Variants in PRKN observed in about 807,000 individuals in gnomAD.
PRKN encodes the protein E3 ubiquitin-protein ligase parkin.
In PRKN, 56 loss-of-function variants were observed where a neutral mutation model predicts 59.5. That is an observed-to-expected ratio of 0.94 (90% CI 0.76 to 1.18). PRKN has a LOEUF of 1.18. Ranked by LOEUF, PRKN falls within the 50% of genes most tolerant of loss-of-function variation. The pLI is 0.00. For missense variants in PRKN, 657 were observed against 596.4 expected, an observed-to-expected ratio of 1.10 and a Z score of -1.06; for synonymous variants, 250 against 222.1, an observed-to-expected ratio of 1.13 and a Z score of -1.12.
At chr6:161,676,302 A>G (rs538945225) in intron 7 of PRKN, among the ~76,000 whole-genome samples, 1 of 152,326 alleles carries the variant, frequency 6.6e-6, no homozygotes, top group South Asian at 2.1e-4. Flanking sequence ...TAATTTGCAT[A>G]ATCTGATCTG....
At chr6:162,468,726 G>C (rs1277039743) in intron 1 of PRKN, among the ~76,000 whole-genome samples, 1 of 152,214 alleles carries the variant, frequency 6.6e-6, no homozygotes, top group South Asian at 2.1e-4. Flanking sequence ...CTTGAGGCTA[G>C]AGTAATAAAA....
intron 4 of PRKN, among the ~76,000 whole-genome samples, chr6:162,124,431 T>A (rs1474509329): frequency 1.3e-5 from 2 of 152,154 alleles, no homozygotes; most frequent in Non-Finnish European, 1.5e-5. Flanking sequence ...CTACACTACA[T>A]TAAGTACAAA....
At chr6:161,857,333 C>T (rs1329430124) in intron 6 of PRKN, among the ~76,000 whole-genome samples, 1 of 152,150 alleles carries the variant, frequency 6.6e-6, no homozygotes, top group Admixed American at 6.5e-5. Flanking sequence ...CAGCCACAGA[C>T]AATGCATATG....
At chr6:162,331,660 T>C (rs1302605786) in intron 2 of PRKN, among the ~76,000 whole-genome samples, 1 of 152,182 alleles carries the variant, frequency 6.6e-6, no homozygotes, top group East Asian at 1.9e-4. Flanking sequence ...CACATGTCAG[T>C]AAATAGTTGG....
rs1016190727 is a variant in PRKN at position 162,328,044 on chromosome 6, TG to T, written c.172-65280del. ...CTGCAAGGCCCTCAACGTTCCCACG[TG>T]AAAAAAGAAATTGTTCCTCAAACAG... On this transcript the variant is annotated intron_variant, in intron 2 of 11. Coordinates refer to ENST00000366898, the MANE Select transcript of PRKN (RefSeq NM_004562.3). Among the ~76,000 whole-genome samples, 15 of 137,624 alleles carry T rather than the reference TG, an allele frequency of 1.1e-4. No homozygotes were observed. In the Admixed American group the frequency reaches 1.1e-3, roughly 10 times the overall value. The allele number at this position is 137,624 out of a possible 152,430, so 90.3% of individuals were successfully genotyped here.
At position 161,461,494 on chromosome 6, in the gene PRKN, T is replaced by A. The variant is rs1312509266; in HGVS notation, c.1084-74617A>T. ...GGGAATACACTCAAGGCAGGAAGAG[T>A]GTAGGTTGTTCCAGTAGTTGAGGTA... On this transcript the variant is annotated intron_variant, in intron 9 of 11. Transcript: ENST00000366898. The surrounding 1 kb of genome is among the most constrained non-coding windows in gnomAD (Gnocchi z 5.1). Among the ~76,000 whole-genome samples the A allele has an allele frequency of 6.6e-6, 1 of 151,206 alleles. No homozygotes were observed. Among genetic ancestry groups the A allele is most frequent in the Non-Finnish European group, 1.5e-5 (1 of 67,820 alleles).
intron 2 of PRKN, among the ~76,000 whole-genome samples, chr6:162,338,818 C>T (rs899488108): frequency 4.6e-5 from 7 of 151,308 alleles, no homozygotes; most frequent in Admixed American, 4.6e-4. Context: ...AGCGCCTCTT[C>T]CCGGCCACCA....
At chr6:161,783,383 G>A (rs539588851) in intron 7 of PRKN, among the ~76,000 whole-genome samples, 29 of 152,132 alleles carry the variant, frequency 1.9e-4, no homozygotes, top group South Asian at 1.9e-3. Context: ...TATTTCCTAC[G>A]AAAGGGAGCC....
rs10945770 is a variant in PRKN at position 161,719,955 on chromosome 6, A to C, written c.871+65817T>G. 1.4e-4 allele frequency among the ~76,000 whole-genome samples: 21 copies of C among 152,176 alleles called. No homozygotes were observed. In the South Asian group the frequency reaches 4.1e-3, roughly 30 times the overall value. ...CCCGCTGTTCTAACCCACTTCACTG[A>C]GTCCGTGGCTCTGCAGTCTTTCTCG... On this transcript the variant is annotated intron_variant, in intron 7 of 11. Transcript: ENST00000366898.
In PRKN at chr6:161,348,926, A is replaced by G. The variant is rs916775178; in HGVS notation, c.*1173T>C. 16 of 203,708 alleles carry G rather than the reference A, an allele frequency of 7.9e-5. No individual in the cohort carries two copies. Among genetic ancestry groups the G allele is most frequent in the East Asian group, 7.5e-4 (10 of 13,336 alleles). 12.6% of individuals were successfully genotyped at this position (203,708 alleles called of 1,614,324 possible). A position where few individuals can be genotyped will look rare whatever the true frequency, so the allele number is the denominator to read the frequency against. ...GAAAGTTTGATTGAACTGAAATCCA[A>G]TCCATGTCAACATAAGGAATATTCT... is the stretch of plus-strand genomic sequence containing the variant. On this transcript the variant is annotated 3_prime_UTR_variant, in exon 12 of 12. Coordinates refer to ENST00000366898, the MANE Select transcript of PRKN (RefSeq NM_004562.3). This position sits in a 1 kb window ranked among gnomAD's most constrained non-coding sequence, Gnocchi z 4.9.
chr6:161,606,858 T>C (rs1331389392), intron 7 of PRKN, among the ~76,000 whole-genome samples: 2 of 152,202 alleles, frequency 1.3e-5, no homozygotes, highest in Admixed American at 6.5e-5. Context: ...CCTATGAAGC[T>C]GGCAACTTTC....
intron 1 of PRKN, among the ~76,000 whole-genome samples, chr6:162,536,672 T>A (rs1025363642): frequency 7.2e-5 from 11 of 152,156 alleles, no homozygotes; most frequent in African/African-American, 2.4e-4. Context: ...TCCTTAATGA[T>A]GAAGGTCTCT....
chr6:162,034,180 T>G (rs1276719817), intron 5 of PRKN, among the ~76,000 whole-genome samples: 4 of 122,812 alleles, frequency 3.3e-5, no homozygotes, highest in African/African-American at 1.1e-4. Flanking sequence ...TATATATATA[T>G]ATATATAGAG....
chr6:162,435,739 G>C (rs1319656664), intron 2 of PRKN, among the ~76,000 whole-genome samples: 1 of 152,184 alleles, frequency 6.6e-6, no homozygotes, highest in Non-Finnish European at 1.5e-5. Context: ...CCTTCAGAGA[G>C]AAGATGCTTG....
chr6:161,647,105 T>C (rs1404089339), intron 7 of PRKN, among the ~76,000 whole-genome samples: 1 of 152,212 alleles, frequency 6.6e-6, no homozygotes, highest in Non-Finnish European at 1.5e-5. Context: ...ATTGTATTAA[T>C]AGTAACAGGT....
intron 1 of PRKN, among the ~76,000 whole-genome samples, chr6:162,446,281 G>A (rs1790314687): frequency 6.6e-6 from 1 of 152,156 alleles, no homozygotes; most frequent in Admixed American, 6.6e-5. Context: ...AGTGAGAATA[G>A]ATTTAAAGTA....
chr6:162,392,796 T>C (rs1478597750), intron 2 of PRKN, among the ~76,000 whole-genome samples: 4 of 152,166 alleles, frequency 2.6e-5, no homozygotes, highest in African/African-American at 4.8e-5. Flanking sequence ...ATAATAAAAA[T>C]TCTAATGCAA....
chr6:162,062,827 G>A (rs1175226316), intron 4 of PRKN, among the ~76,000 whole-genome samples: 5 of 152,126 alleles, frequency 3.3e-5, no homozygotes, highest in Admixed American at 1.3e-4. Context: ...GTGGCTTTAC[G>A]TTGTTATGTA....
intron 7 of PRKN, among the ~76,000 whole-genome samples, chr6:161,734,372 G>T (rs1787879932): frequency 6.6e-6 from 1 of 152,016 alleles, no homozygotes; most frequent in South Asian, 2.1e-4. Flanking sequence ...CCCAAAATAC[G>T]TTCATTCAAT....
Sources: allele counts gnomAD v4.1 joint callset (sites outside exome capture counted in the v4.1 genomes callset), GRCh38; gene constraint gnomAD v4.1.1; non-coding constraint Gnocchi (gnomAD v3.1); transcripts MANE v1.5; gene names NCBI Gene and HGNC (gene_info 2026-07-23, HGNC 2026-07-21).